Variants in PLCL1 observed in about 807,000 individuals in gnomAD.
PLCL1 encodes phospholipase C like 1 (inactive).
PLCL1 carries 41 observed loss-of-function variants against 84.4 expected under a neutral mutation model. That is an observed-to-expected ratio of 0.49 (90% CI 0.38 to 0.63). The LOEUF (loss-of-function observed/expected upper bound fraction) is 0.63, where lower values mean the gene tolerates loss of function less well. PLCL1 is among the 30% of genes least tolerant of loss of function. PLCL1 has a pLI of 0.00. For missense variants in PLCL1, 1,206 were observed against 1,367.8 expected (o/e 0.88, Z 1.87); for synonymous variants, 490 against 488.3 (o/e 1.00, Z -0.05).
At chr2:198,026,850 A>G (rs868452563) in intron 1 of PLCL1, among the ~76,000 whole-genome samples, 1 of 152,212 alleles carries the variant, frequency 6.6e-6, no homozygotes, top group South Asian at 2.1e-4. Flanking sequence ...GCTAATATAG[A>G]AAATACCAAA....
chr2:198,105,149 G>T (rs1045082499), intron 5 of PLCL1, among the ~76,000 whole-genome samples: 2 of 151,948 alleles, frequency 1.3e-5, no homozygotes, highest in Non-Finnish European at 2.9e-5. Flanking sequence ...TATAGTTTTA[G>T]GTTTTACATT....
chr2:197,887,844 C>A (rs1474154499), intron 1 of PLCL1, among the ~76,000 whole-genome samples: 1 of 152,110 alleles, frequency 6.6e-6, no homozygotes, highest in Non-Finnish European at 1.5e-5. Context: ...GGCTCAGTTG[C>A]TCATGCCTGT....
chr2:198,136,655 G>T (rs1475509243), intron 5 of PLCL1, among the ~76,000 whole-genome samples: 1 of 152,084 alleles, frequency 6.6e-6, no homozygotes, highest in Non-Finnish European at 1.5e-5. Flanking sequence ...GGGGGCTCAT[G>T]GGTGCTGCAA....
chr2:197,841,309 A>G (rs1686998795), intron 1 of PLCL1, among the ~76,000 whole-genome samples: 2 of 152,146 alleles, frequency 1.3e-5, no homozygotes, highest in African/African-American at 2.4e-5. Flanking sequence ...AATAATATGT[A>G]TCTATCATTA....
At chr2:197,987,647 T>G (rs1228832482) in intron 1 of PLCL1, among the ~76,000 whole-genome samples, 1 of 152,216 alleles carries the variant, frequency 6.6e-6, no homozygotes, top group East Asian at 1.9e-4. Context: ...GACAGAGCCC[T>G]TTTTTGGATC....
chr2:198,094,167 T>C (rs1693130123), intron 3 of PLCL1, among the ~76,000 whole-genome samples: 1 of 152,112 alleles, frequency 6.6e-6, no homozygotes, highest in Admixed American at 6.6e-5. Flanking sequence ...GTTCATGCCA[T>C]TCTCCTGCCT....
chr2:197,805,290 G>A lies in PLCL1; in HGVS notation c.191G>A (p.Gly64Asp). 1 of 1,290,972 alleles carries A rather than the reference G, an allele frequency of 7.7e-7. No individual in the cohort carries two copies. Among genetic ancestry groups the A allele is most frequent in the Non-Finnish European group, 9.8e-7 (1 of 1,021,512 alleles). The allele number at this position is 1,290,972 out of a possible 1,614,324, so 80.0% of individuals were successfully genotyped here. ...AAGTPADSEA[G>D]LLEAARATPR... ...GGGACCCCAGCGGACAGCGAGGCGG[G>A]CCTCCTGGAGGCAGCACGGGCGACC... The change falls in exon 1 of 6, where the codon GGC becomes GAC. Residue 64 changes from glycine to aspartate, a missense_variant. By Grantham distance (94) the Gly-to-Asp change is moderately conservative (BLOSUM62 -1). Transcript: ENST00000428675. This position sits in a 1 kb window ranked among gnomAD's most constrained non-coding sequence, Gnocchi z 4.0.
At chr2:198,027,899 T>C (rs930491176) in intron 1 of PLCL1, among the ~76,000 whole-genome samples, 2 of 152,110 alleles carry the variant, frequency 1.3e-5, no homozygotes, top group African/African-American at 2.4e-5. Flanking sequence ...GTGGTGCAAA[T>C]CATAGCTCAC....
intron 1 of PLCL1, among the ~76,000 whole-genome samples, chr2:198,047,931 C>T (rs991940855): frequency 8.5e-5 from 13 of 152,066 alleles, no homozygotes; most frequent in African/African-American, 1.7e-4. Flanking sequence ...CTCTTCCATG[C>T]GAGTGGTGGC....
intron 1 of PLCL1, among the ~76,000 whole-genome samples, chr2:198,020,265 T>C (rs1449051845): frequency 2.0e-5 from 3 of 152,140 alleles, no homozygotes; most frequent in African/African-American, 7.2e-5. Context: ...GAAAAACCAG[T>C]ACAAGTCACT....
intron 1 of PLCL1, among the ~76,000 whole-genome samples, chr2:197,975,315 C>CT (rs2039696360): frequency 6.6e-6 from 1 of 152,030 alleles, no homozygotes; most frequent in African/African-American, 2.4e-5. Flanking sequence ...GAAACAGAAG[C>CT]TTAAGGTGAC....
chr2:198,034,002 T>C (rs1691494507), intron 1 of PLCL1, among the ~76,000 whole-genome samples: 1 of 151,796 alleles, frequency 6.6e-6, no homozygotes, highest in South Asian at 2.1e-4. Context: ...CTTTTTCTTT[T>C]CTTATTATTA....
chr2:198,106,245 CAG>C (rs1321769198), intron 5 of PLCL1, among the ~76,000 whole-genome samples: 2 of 151,872 alleles, frequency 1.3e-5, no homozygotes, highest in African/African-American at 4.8e-5. Flanking sequence ...ACCTGTGCTG[CAG>C]AGATGCTGCA....
chr2:197,960,037 G>GATA (rs1268650149), intron 1 of PLCL1, among the ~76,000 whole-genome samples: 1 of 152,082 alleles, frequency 6.6e-6, no homozygotes, highest in Non-Finnish European at 1.5e-5. Flanking sequence ...CCCGAGCTTG[G>GATA]GCTGGAAAAC....
intron 1 of PLCL1, among the ~76,000 whole-genome samples, chr2:198,001,117 T>A (rs573568294): frequency 1.3e-5 from 2 of 152,212 alleles, no homozygotes; most frequent in South Asian, 4.2e-4. Context: ...GAGGGTAAAA[T>A]GAGGTAACCT....
At position 198,085,445 on chromosome 2, in the gene PLCL1, A is replaced by G. The variant is rs774192985; in HGVS notation, c.1928A>G (p.Tyr643Cys). Residue 643 changes from tyrosine to cysteine, a missense_variant, in exon 2 of 6, where the codon TAT becomes TGT. Transcript: ENST00000428675. This position sits in a 1 kb window ranked among gnomAD's most constrained non-coding sequence, Gnocchi z 5.3. ...AATAAGAAGTTCTTATCAAGAATCT[A>G]TCCAAGTGCCATGAGGATCGATTCC... The part of the protein sequence containing the change: ...NYNKKFLSRI[Y>C]PSAMRIDSSN... 10 of 1,613,764 alleles carry G rather than the reference A, an allele frequency of 6.2e-6. No individual in the cohort carries two copies. The highest frequency in any genetic ancestry group is 1.6e-4 in the Middle Eastern group (1 of 6,084).
intron 5 of PLCL1, among the ~76,000 whole-genome samples, chr2:198,125,888 C>T (rs183915059): frequency 9.9e-5 from 15 of 152,130 alleles, no homozygotes; most frequent in Admixed American, 2.0e-4. Flanking sequence ...CCTAGTAGAC[C>T]GAGCAGAATG....
chr2:197,816,004 C>T (rs1330178649), intron 1 of PLCL1, among the ~76,000 whole-genome samples: 1 of 152,160 alleles, frequency 6.6e-6, no homozygotes, highest in Non-Finnish European at 1.5e-5. Flanking sequence ...TTTGATAAAG[C>T]AGCAGCAGGG....
chr2:198,002,813 T>C (rs1344164770), intron 1 of PLCL1, among the ~76,000 whole-genome samples: 1 of 152,216 alleles, frequency 6.6e-6, no homozygotes, highest in Non-Finnish European at 1.5e-5. Context: ...TGCAGGCAGG[T>C]ACCATAAGGT....
Sources: allele counts gnomAD v4.1 joint callset (sites outside exome capture counted in the v4.1 genomes callset), GRCh38; gene constraint gnomAD v4.1.1; non-coding constraint Gnocchi (gnomAD v3.1); transcripts MANE v1.5; gene names NCBI Gene and HGNC (gene_info 2026-07-23, HGNC 2026-07-21).